CNOT6: variants seen among roughly 807,000 people sequenced by gnomAD.
CNOT6 encodes CCR4-NOT transcription complex subunit 6.
Under a neutral mutation model 61.2 loss-of-function variants are expected in CNOT6, and 12 were observed. The observed-to-expected ratio is 0.20, with a 90% CI of 0.13 to 0.32. The LOEUF is 0.32. Ranked by LOEUF, CNOT6 falls within the 10% of genes least tolerant of loss-of-function variation. CNOT6 has a pLI of 1.00. For missense variants in CNOT6, 405 were observed against 663.9 expected (o/e 0.61, Z 4.28); for synonymous variants, 225 against 240.6 (o/e 0.94, Z 0.60).
At chr5:180,554,579 A>T (rs1426479145) in intron 4 of CNOT6, among the ~76,000 whole-genome samples, 1 of 130,352 alleles carries the variant, frequency 7.7e-6, no homozygotes, top group African/African-American at 2.8e-5. Flanking sequence ...TTCAACAGAT[A>T]TCAACATTGT....
rs369583594 is a variant in CNOT6 at position 180,544,520 on chromosome 5, T to C, written c.113-5411T>C. Among the ~76,000 whole-genome samples, 7 of 152,354 alleles carry C rather than the reference T, an allele frequency of 4.6e-5. No individual in the cohort carries two copies. The East Asian group carries it at 1.2e-3, about 25-fold the overall frequency. ...CTTGTCTTCCTGCCTCTACCTCATA[T>C]ATGATTTATTCCTTTACTTGGCTTT... On this transcript the variant is annotated intron_variant, in intron 2 of 11. Transcript: ENST00000261951.
intron 2 of CNOT6, among the ~76,000 whole-genome samples, chr5:180,544,058 G>A (rs562293536): frequency 5.3e-5 from 8 of 152,190 alleles, no homozygotes; most frequent in African/African-American, 1.2e-4. Context: ...TGATCCACCC[G>A]CCTCGACCTC....
intron 2 of CNOT6, among the ~76,000 whole-genome samples, chr5:180,547,965 T>C (rs1020907228): frequency 6.6e-6 from 1 of 152,156 alleles, no homozygotes; most frequent in Admixed American, 6.5e-5. Context: ...AACTCCTGAC[T>C]TCAGGTGATC....
Position 180,567,194 on chromosome 5 carries a change from A to G in CNOT6, c.824A>G (p.Gln275Arg), listed in dbSNP as rs772502310. The change falls in exon 8 of 12, where the codon CAA (glutamine) becomes CGA (arginine). Residue 275 changes from glutamine (Q) to arginine (R), a missense_variant. Transcript: ENST00000261951. ...PKSRARTMSE[Q>R]ERKHVDGCAI... ...TCTAGAGCTAGGACAATGTCAGAACAAGAAAGGAAACATGTTGATGGCTGT... is the reference window on the plus strand; with the variant it reads ...TCTAGAGCTAGGACAATGTCAGAACGAGAAAGGAAACATGTTGATGGCTGT... 1.9e-6 allele frequency: 3 copies of G among 1,613,328 alleles called. No homozygotes were observed. The South Asian group carries it at 3.3e-5, about 18-fold the overall frequency.
chr5:180,529,695 CCA>C (rs1465984284), intron 2 of CNOT6, among the ~76,000 whole-genome samples: 17 of 152,148 alleles, frequency 1.1e-4, no homozygotes, highest in African/African-American at 3.9e-4. Flanking sequence ...GTGCTAGTGC[CCA>C]GTCACGTATT....
intron 1 of CNOT6, among the ~76,000 whole-genome samples, chr5:180,500,599 T>G (rs1428313102): frequency 6.6e-6 from 1 of 152,190 alleles, no homozygotes; most frequent in East Asian, 1.9e-4. Flanking sequence ...CATGCCTGGC[T>G]AATTCAAATG....
chr5:180,544,609 T>C (rs1759214756), intron 2 of CNOT6, among the ~76,000 whole-genome samples: 3 of 152,218 alleles, frequency 2.0e-5, no homozygotes, highest in Non-Finnish European at 2.9e-5. Context: ...CCTTCTTGAA[T>C]TGTCAGCTTA....
chr5:180,576,777 T>C lies in CNOT6; in HGVS notation c.*2577T>C, dbSNP rs762703833. 1.4e-4 allele frequency: 22 copies of C among 152,234 alleles called. No individual in the cohort carries two copies. The highest frequency in any genetic ancestry group is 2.9e-4 in the Non-Finnish European group (20 of 68,036). The allele number at this position is 152,234 out of a possible 1,614,324, so 9.4% of individuals were successfully genotyped here. On this transcript the variant is annotated 3_prime_UTR_variant, in exon 12 of 12. Coordinates refer to ENST00000261951, the MANE Select transcript of CNOT6 (RefSeq NM_001370472.1). ...TTTCCGTGTCCTAAATAATTTTCAA[T>C]AATCTATAATCCCTAAAATGCAATA... is the stretch of plus-strand genomic sequence containing the variant.
At chr5:180,572,047 C>T (rs921475851) in intron 11 of CNOT6, among the ~76,000 whole-genome samples, 15 of 152,076 alleles carry the variant, frequency 9.9e-5, no homozygotes, top group African/African-American at 3.6e-4. Context: ...TTACTAATAG[C>T]TAGATATGCA....
intron 9 of CNOT6, 77 bp downstream of exon 9, chr5:180,568,080 A>G (rs1760553022): frequency 1.4e-6 from 2 of 1,436,682 alleles, no homozygotes; most frequent in Non-Finnish European, 1.9e-6. Flanking sequence ...CAGAAATTTC[A>G]TTGTGTATTC....
chr5:180,554,950 G>A lies in CNOT6; in HGVS notation c.385+1479G>A, dbSNP rs113912889. 6.3e-3 allele frequency among the ~76,000 whole-genome samples: 945 copies of A among 150,734 alleles called. 10 individuals are homozygous for A. Among genetic ancestry groups the A allele is most frequent in the African/African-American group, 0.022 (900 of 41,046 alleles). ...TTTTACAAACTGTAATTTGTAATTC[G>A]TACTCACTAAGGCTTTTCACAAACT... On this transcript the variant is annotated intron_variant, in intron 4 of 11. Coordinates refer to ENST00000261951, the MANE Select transcript of CNOT6 (RefSeq NM_001370472.1).
At chr5:180,549,169 C>T (rs546558688) in intron 2 of CNOT6, among the ~76,000 whole-genome samples, 30 of 152,294 alleles carry the variant, frequency 2.0e-4, no homozygotes, top group African/African-American at 7.0e-4. Context: ...TAAAACTCAG[C>T]TAAGAGTACC....
At chr5:180,505,596 G>A (rs1450030194) in intron 1 of CNOT6, among the ~76,000 whole-genome samples, 2 of 132,170 alleles carry the variant, frequency 1.5e-5, no homozygotes, top group Non-Finnish European at 3.2e-5. Flanking sequence ...CGCCCAGTCT[G>A]GACTGCAGTG....
intron 2 of CNOT6, among the ~76,000 whole-genome samples, chr5:180,539,724 G>C (rs760006518): frequency 6.6e-6 from 1 of 150,664 alleles, no homozygotes; most frequent in Non-Finnish European, 1.5e-5. Context: ...CGAGTAGCTG[G>C]GACTACAGGC....
intron 1 of CNOT6, among the ~76,000 whole-genome samples, chr5:180,526,425 C>CTA (rs1473707158): frequency 6.6e-6 from 1 of 152,086 alleles, no homozygotes; most frequent in Non-Finnish European, 1.5e-5. Context: ...GGCTTACGTG[C>CTA]TAAGGGCAGG....
chr5:180,532,381 C>T (rs978254815), intron 2 of CNOT6, among the ~76,000 whole-genome samples: 1 of 152,140 alleles, frequency 6.6e-6, no homozygotes, highest in African/African-American at 2.4e-5. Context: ...GGAGATTCTC[C>T]TCCACCCTCT....
intron 2 of CNOT6, among the ~76,000 whole-genome samples, chr5:180,541,740 C>T (rs1289233090): frequency 6.6e-6 from 1 of 151,872 alleles, no homozygotes; most frequent in Non-Finnish European, 1.5e-5. Context: ...GCGTGAGCCA[C>T]CATGCCCGGC....
chr5:180,551,351 T>C (rs7378616), intron 3 of CNOT6, among the ~76,000 whole-genome samples: 37,612 of 152,022 alleles, frequency 0.25, 5,404 homozygotes, highest in East Asian at 0.52. Context: ...AGCAAGACCC[T>C]GTCTCTACCC....
At chr5:180,519,076 C>T (rs1757772897) in intron 1 of CNOT6, among the ~76,000 whole-genome samples, 2 of 152,104 alleles carry the variant, frequency 1.3e-5, no homozygotes, top group Non-Finnish European at 2.9e-5. Context: ...AGAGTTTATT[C>T]AGGAATAGCA....
Sources: allele counts gnomAD v4.1 joint callset (sites outside exome capture counted in the v4.1 genomes callset), GRCh38; gene constraint gnomAD v4.1.1; transcripts MANE v1.5; gene names NCBI Gene and HGNC (gene_info 2026-07-23, HGNC 2026-07-21).